Variants in PDE6A observed in about 807,000 individuals in gnomAD.
PDE6A encodes rod cGMP-specific 3',5'-cyclic phosphodiesterase subunit alpha.
Under a neutral mutation model 106.3 loss-of-function variants are expected in PDE6A, and 84 were observed. The ratio of observed to expected loss-of-function variants is 0.79; its 90% CI spans 0.66 to 0.95. The LOEUF is 0.95. PDE6A is among the 40% of genes least tolerant of loss of function. The probability of loss-of-function intolerance (pLI) is 0.00; values close to 1 mark genes in which losing one functional copy is unlikely to be tolerated. For missense variants in PDE6A, 1,052 were observed against 1,084.9 expected, an observed-to-expected ratio of 0.97 and a Z score of 0.43; for synonymous variants, 394 against 386.6, an observed-to-expected ratio of 1.02 and a Z score of -0.23.
At chr5:149,867,155 T>A in intron 19 of PDE6A, 1 of 189,820 alleles carries the variant, frequency 5.3e-6, no homozygotes, top group South Asian at 1.1e-4. Context: ...TTACCCATCC[T>A]TTCCAAACCC....
Position 149,943,545 on chromosome 5 carries a change from T to A in PDE6A, c.474+655A>T, listed in dbSNP as rs577748751. Among the ~76,000 whole-genome samples, 14 of 152,344 alleles carry A rather than the reference T, an allele frequency of 9.2e-5. No homozygotes were observed. In the South Asian group the frequency reaches 2.9e-3, roughly 32 times the overall value. The stretch of plus-strand genomic sequence containing the variant: ...TATGTTGCACAAGCTGGTCTCAAAC[T>A]CTTGGGCTCAAGTGATTCTCTTGCC... On this transcript the variant is annotated intron_variant, in intron 1 of 21. Transcript: ENST00000255266.
At chr5:149,862,032 T>C (rs973939690) in intron 21 of PDE6A, among the ~76,000 whole-genome samples, 19 of 152,234 alleles carry the variant, frequency 1.2e-4, no homozygotes, top group African/African-American at 4.1e-4. Flanking sequence ...CAGCTGCCCA[T>C]TTAGAATCAA....
intron 17 of PDE6A, among the ~76,000 whole-genome samples, chr5:149,877,761 A>G (rs935751185): frequency 6.6e-6 from 1 of 152,250 alleles, no homozygotes; most frequent in Non-Finnish European, 1.5e-5. Context: ...CACCACCAGT[A>G]TGGTGGACTC....
At chr5:149,867,870 C>A in intron 18 of PDE6A, 71 bp from the exon 19 acceptor site, 7 of 1,429,786 alleles carry the variant, frequency 4.9e-6, no homozygotes, top group Non-Finnish European at 6.8e-6. Context: ...GCTCCCACCC[C>A]ACTTGCAATT....
chr5:149,911,556 C>T (rs1753386997), intron 6 of PDE6A, among the ~76,000 whole-genome samples: 1 of 152,136 alleles, frequency 6.6e-6, no homozygotes, highest in South Asian at 2.1e-4. Context: ...GTCATGTCTG[C>T]CATGGCTAAC....
At chr5:149,895,146 C>T in intron 13 of PDE6A, 37 bp downstream of exon 13, 3 of 1,265,038 alleles carry the variant, frequency 2.4e-6, no homozygotes, top group Non-Finnish European at 3.5e-6. Context: ...TAGTGTGATG[C>T]AAGCCCACCC....
chr5:149,894,393 C>T (rs1399195048), intron 13 of PDE6A, among the ~76,000 whole-genome samples: 1 of 152,092 alleles, frequency 6.6e-6, no homozygotes, highest in Admixed American at 6.6e-5. Context: ...ATGGGAGCAG[C>T]TAACAGGTGG....
chr5:149,877,364 A>G (rs1020951311), intron 17 of PDE6A, among the ~76,000 whole-genome samples: 25 of 152,068 alleles, frequency 1.6e-4, no homozygotes, highest in Admixed American at 1.0e-3. Context: ...AATGGCTTGA[A>G]CCCAGGAGTT....
rs537608643 is a variant in PDE6A at position 149,896,487 on chromosome 5, C to G, written c.1489G>C (p.Asp497His). 1 of 1,614,162 alleles carries G rather than the reference C, an allele frequency of 6.2e-7. No individual in the cohort carries two copies. Among genetic ancestry groups the G allele is most frequent in the Non-Finnish European group, 8.5e-7 (1 of 1,180,042 alleles). Residue 497 changes from aspartate to histidine, a missense_variant, in exon 12 of 22, where the codon GAT becomes CAT. Transcript: ENST00000255266. ...LAEILQAELP[D>H]ADKYEINKFH... ...TTATTAATTTCGTATTTATCTGCAT[C>G]TGGCAGCTCCGCTTGCTGTATAAGG...
intron 4 of PDE6A, among the ~76,000 whole-genome samples, chr5:149,924,813 C>A (rs780634455): frequency 1.3e-5 from 2 of 152,188 alleles, no homozygotes; most frequent in African/African-American, 2.4e-5. Context: ...CCTTTTGACC[C>A]ACTTGTTGAT....
At chr5:149,929,781 T>C (rs183470980) in intron 4 of PDE6A, among the ~76,000 whole-genome samples, 8 of 152,262 alleles carry the variant, frequency 5.3e-5, no homozygotes, top group Admixed American at 4.6e-4. Flanking sequence ...GAAAAAGGTA[T>C]GAAGGAGGCT....
chr5:149,936,166 G>GAAGGAAGGAAGT (rs2113663546), intron 1 of PDE6A, among the ~76,000 whole-genome samples: 1 of 149,752 alleles, frequency 6.7e-6, no homozygotes, highest in South Asian at 2.2e-4. Context: ...AAAAAGGAAG[G>GAAGGAAGGAAGT]AAGGAAGGAA....
At chr5:149,899,663 T>C in intron 8 of PDE6A, 139 bp from the exon 9 acceptor site, 1 of 865,054 alleles carries the variant, frequency 1.2e-6, no homozygotes. Context: ...TTCGCATGAG[T>C]TTAATTACCG....
intron 17 of PDE6A, among the ~76,000 whole-genome samples, chr5:149,881,256 A>G (rs934818135): frequency 9.2e-5 from 14 of 152,206 alleles, no homozygotes; most frequent in Admixed American, 7.9e-4. Flanking sequence ...GTGTGTATCC[A>G]AAAGAAAACA....
intron 4 of PDE6A, among the ~76,000 whole-genome samples, chr5:149,928,233 T>TATATATATATA (rs1163863793): frequency 1.0e-4 from 1 of 9,636 alleles, no homozygotes; most frequent in African/African-American, 8.7e-4. Flanking sequence ...ATATATATAT[T>TATATATATATA]TTTTTTTTTT....
intron 17 of PDE6A, among the ~76,000 whole-genome samples, chr5:149,879,263 C>T (rs775869011): frequency 3.9e-5 from 6 of 151,934 alleles, no homozygotes; most frequent in African/African-American, 7.2e-5. Context: ...GTAGAGATGG[C>T]GTTTCACCAT....
intron 13 of PDE6A, among the ~76,000 whole-genome samples, chr5:149,890,814 G>A (rs1263088340): frequency 6.6e-6 from 1 of 152,114 alleles, no homozygotes; most frequent in African/African-American, 2.4e-5. Flanking sequence ...GTATTAAGCA[G>A]AATAAAAAAT....
chr5:149,924,066 A>T (rs1444812330), intron 4 of PDE6A, among the ~76,000 whole-genome samples: 1 of 152,194 alleles, frequency 6.6e-6, no homozygotes, highest in African/African-American at 2.4e-5. Flanking sequence ...TTTAGAAAAC[A>T]ATTTTAATTC....
rs147509280 is a variant in PDE6A, at chr5:149,927,260, C to A, written c.858+3768G>T. On this transcript the variant is annotated intron_variant, in intron 4 of 21. Transcript: ENST00000255266. ...GGGCACTTAGCATGAATGGAGCCTG[C>A]GGGACTGAGAGTTGCTCTGCGTGAG... Among the ~76,000 whole-genome samples, 651 of 152,134 alleles carry A rather than the reference C, an allele frequency of 4.3e-3. 2 individuals are homozygous for A. Among genetic ancestry groups the A allele is most frequent in the African/African-American group, 0.015 (614 of 41,480 alleles).
Sources: allele counts gnomAD v4.1 joint callset (sites outside exome capture counted in the v4.1 genomes callset), GRCh38; gene constraint gnomAD v4.1.1; transcripts MANE v1.5; gene names NCBI Gene and HGNC (gene_info 2026-07-23, HGNC 2026-07-21).